The following PIK3C2B variants were observed in gnomAD, a reference collection of about 807,000 sequenced individuals.
The protein encoded by PIK3C2B is phosphatidylinositol-4-phosphate 3-kinase catalytic subunit type 2 beta, also known as phosphatidylinositol 4-phosphate 3-kinase C2 domain-containing subunit beta.
Under a neutral mutation model 184.3 loss-of-function variants are expected in PIK3C2B, and 83 were observed. The ratio of observed to expected loss-of-function variants is 0.45; its 90% CI spans 0.38 to 0.54. The LOEUF (loss-of-function observed/expected upper bound fraction) is 0.54, where lower values mean the gene tolerates loss of function less well. Among genes scored for constraint, PIK3C2B ranks in the 20% least tolerant of loss-of-function variants. PIK3C2B has a pLI of 0.00. For synonymous variants in PIK3C2B, 779 were observed against 837.6 expected, an observed-to-expected ratio of 0.93 and a Z score of 1.21; for missense variants, 1,736 against 2,113.5, an observed-to-expected ratio of 0.82 and a Z score of 3.50.
chr1:204,465,104 C>T, intron 3 of PIK3C2B, 115 bp downstream of exon 3: 1 of 712,132 alleles, frequency 1.4e-6, no homozygotes, highest in East Asian at 2.5e-5. Context: ...TAGCTATGAA[C>T]TGAGATTTAC....
At chr1:204,480,877 C>T (rs769338929) in intron 1 of PIK3C2B, among the ~76,000 whole-genome samples, 3 of 152,110 alleles carry the variant, frequency 2.0e-5, no homozygotes, top group Non-Finnish European at 2.9e-5. Flanking sequence ...AGCCCACTGT[C>T]CCTGTGCCAT....
At chr1:204,487,858 G>A (rs912860649) in intron 1 of PIK3C2B, among the ~76,000 whole-genome samples, 1 of 152,070 alleles carries the variant, frequency 6.6e-6, no homozygotes, top group African/African-American at 2.4e-5. Flanking sequence ...TTTTGGGTGG[G>A]AGGGGGGTGC....
At chr1:204,456,351 G>C (rs924225150) in intron 10 of PIK3C2B, 38 of 251,290 alleles carry the variant, frequency 1.5e-4, no homozygotes, top group Admixed American at 1.0e-3. Context: ...ATTATTGTCA[G>C]TTGCTTCAAA....
intron 8 of PIK3C2B, 145 bp from the exon 9 acceptor site, chr1:204,458,019 A>G (rs1655015203): frequency 1.5e-6 from 1 of 669,624 alleles, no homozygotes; most frequent in South Asian, 2.0e-5. Flanking sequence ...AATACATTTT[A>G]TTTTCAAATA....
rs1654197764 is a variant in PIK3C2B at position 204,449,838 on chromosome 1, G to A, written c.2234+12C>T. 6.3e-7 allele frequency: 1 copy of A among 1,595,432 alleles called. No homozygotes were observed. The highest frequency in any genetic ancestry group is 1.7e-5 in the Admixed American group (1 of 58,118). On this transcript the variant is annotated intron_variant, in intron 13 of 32. Coordinates refer to ENST00000684373, the MANE Select transcript of PIK3C2B (RefSeq NM_001377334.1). Reference sequence around the variant, plus strand: ...TCCAAGGCCAAGAAGCTGTACCCTGGGGCTCACATACTGCCTGAAGTTGAA... The same window carrying A: ...TCCAAGGCCAAGAAGCTGTACCCTGAGGCTCACATACTGCCTGAAGTTGAA...
chr1:204,460,034 A>C, intron 7 of PIK3C2B, 93 bp from the exon 8 acceptor site: 5 of 974,790 alleles, frequency 5.1e-6, no homozygotes, highest in Non-Finnish European at 8.1e-6. Context: ...TCCTCAGCTC[A>C]CACTCTGATT....
chr1:204,438,828 A>G (rs1357543659), intron 23 of PIK3C2B, 107 bp downstream of exon 23: 8 of 1,299,636 alleles, frequency 6.2e-6, no homozygotes, highest in Non-Finnish European at 8.5e-6. Context: ...TCTGCCAACA[A>G]AGCTGAGCTG....
intron 2 of PIK3C2B, among the ~76,000 whole-genome samples, chr1:204,468,446 T>A (rs182503376): frequency 6.6e-6 from 1 of 152,314 alleles, no homozygotes; most frequent in African/African-American, 2.4e-5. Flanking sequence ...CTATTGTGAA[T>A]GATCTTCATC....
rs544120912 is a variant in PIK3C2B, at chr1:204,456,022, T to C, written c.1777A>G (p.Ile593Val). The change falls in exon 11 of 33, where the codon ATC becomes GTC. Residue 593 changes from isoleucine to valine, a missense_variant. By Grantham distance (29) the Ile-to-Val change is conservative. This residue lies in a region of PIK3C2B where 609 missense variants were observed against 699.2 expected (regional missense o/e 0.87). Transcript: ENST00000684373. ...EKVVEALTAAILDLVELYCNT... is the reference protein window; with the variant it reads ...EKVVEALTAAVLDLVELYCNT... ...CAGTACAGCTCCACCAGGTCCAAGA[T>C]GGCAGCGGTCAGGGCTTCCACGACC... 11 of 1,613,828 alleles carry C rather than the reference T, an allele frequency of 6.8e-6. No homozygotes were observed. The highest frequency in any genetic ancestry group is 2.7e-5 in the African/African-American group (2 of 75,038).
rs530729870 is a variant in PIK3C2B at position 204,447,037 on chromosome 1, G to C, written c.2489+399C>G. Among the ~76,000 whole-genome samples, 1 of 151,280 alleles carries C rather than the reference G, an allele frequency of 6.6e-6. No homozygotes were observed. The highest frequency in any genetic ancestry group is 1.5e-5 in the Non-Finnish European group (1 of 67,852). ...TGACACCTGATCCTTTTTGGAAAGT[G>C]ACAGGGCCAGAAAAATTCAAAGGCT... On this transcript the variant is annotated intron_variant, in intron 15 of 32. Coordinates refer to ENST00000684373, the MANE Select transcript of PIK3C2B (RefSeq NM_001377334.1). The surrounding 1 kb of genome is among the most constrained non-coding windows in gnomAD (Gnocchi z 4.1).
chr1:204,462,280 G>C (rs2103506377), intron 5 of PIK3C2B, among the ~76,000 whole-genome samples: 1 of 152,284 alleles, frequency 6.6e-6, no homozygotes. Flanking sequence ...CCAGGATTTG[G>C]GGTGCTGCAA....
At chr1:204,493,739 C>G (rs1005869555) in intron 1 of PIK3C2B, among the ~76,000 whole-genome samples, 2 of 152,180 alleles carry the variant, frequency 1.3e-5, no homozygotes, top group East Asian at 3.8e-4. Context: ...CTGTCGGGAG[C>G]TGAAAATGAG....
chr1:204,443,151 G>A (rs1007258654), intron 19 of PIK3C2B, among the ~76,000 whole-genome samples: 1 of 152,192 alleles, frequency 6.6e-6, no homozygotes, highest in Non-Finnish European at 1.5e-5. Flanking sequence ...GTGCTCTTGT[G>A]CAATGAACAA....
At chr1:204,437,577 C>T (rs1453442160) in intron 23 of PIK3C2B, among the ~76,000 whole-genome samples, 3 of 152,102 alleles carry the variant, frequency 2.0e-5, no homozygotes, top group Non-Finnish European at 2.9e-5. Flanking sequence ...TCCAGTGGTT[C>T]AGGGGACCGA....
intron 1 of PIK3C2B, among the ~76,000 whole-genome samples, chr1:204,486,573 T>C (rs1657609555): frequency 6.6e-6 from 1 of 151,420 alleles, no homozygotes; most frequent in South Asian, 2.1e-4. Flanking sequence ...TCTACAAAAA[T>C]ACAAAAAGTA....
chr1:204,474,647 C>A (rs1056331589), intron 1 of PIK3C2B, among the ~76,000 whole-genome samples: 3 of 152,058 alleles, frequency 2.0e-5, no homozygotes, highest in African/African-American at 7.3e-5. Flanking sequence ...TTGGTGTTGG[C>A]TCAGGATTCT....
At chr1:204,493,857 C>T (rs1258131715) in intron 1 of PIK3C2B, among the ~76,000 whole-genome samples, 1 of 152,192 alleles carries the variant, frequency 6.6e-6, no homozygotes, top group Admixed American at 6.5e-5. Context: ...GCTGCAGTAT[C>T]CTTATAAGGG....
chr1:204,468,299 AGGCTTAGGAAC>A (rs1655988428), intron 2 of PIK3C2B, among the ~76,000 whole-genome samples: 1 of 152,156 alleles, frequency 6.6e-6, no homozygotes, highest in Non-Finnish European at 1.5e-5. Context: ...AGGAGACAGA[AGGCTTAGGAAC>A]GAGAGAGGCC....
chr1:204,437,913 C>A (rs1310326958), intron 23 of PIK3C2B, among the ~76,000 whole-genome samples: 3 of 152,120 alleles, frequency 2.0e-5, no homozygotes, highest in African/African-American at 7.2e-5. Flanking sequence ...GGGAAGAGGG[C>A]TAGAGGAATG....
Sources: gnomAD v4.1 joint callset for allele counts (sites outside exome capture counted in the v4.1 genomes callset) on GRCh38, gnomAD v4.1.1 for gene constraint, gnomAD v4.1.1 regional missense constraint, Gnocchi (gnomAD v3.1) non-coding constraint, MANE v1.5 for transcripts, NCBI Gene and HGNC (gene_info 2026-07-23, HGNC 2026-07-21) for gene names.